CUL3: variants seen among roughly 807,000 people sequenced by gnomAD.
The protein encoded by CUL3 is cullin 3, also known as cullin-3.
A neutral mutation model predicts 89.1 loss-of-function variants in CUL3; 19 were observed. The ratio of observed to expected loss-of-function variants is 0.21; its 90% CI spans 0.15 to 0.31. The LOEUF is 0.31. CUL3 is among the 10% of genes least tolerant of loss of function. The pLI, the probability that CUL3 is intolerant of heterozygous loss-of-function variation, is 1.00. For synonymous variants in CUL3, 351 were observed against 308.4 expected (o/e 1.14, Z -1.45); for missense variants, 469 against 942.3 (o/e 0.50, Z 6.58).
chr2:224,546,179 A>G (rs1694284947), intron 2 of CUL3, among the ~76,000 whole-genome samples: 1 of 152,206 alleles, frequency 6.6e-6, no homozygotes, highest in African/African-American at 2.4e-5. Context: ...TTATTATAGC[A>G]TTAGTATCAT....
chr2:224,518,717 A>C (rs1343344292), intron 3 of CUL3, among the ~76,000 whole-genome samples: 1 of 152,202 alleles, frequency 6.6e-6, no homozygotes, highest in Non-Finnish European at 1.5e-5. Context: ...TAATCTCTAA[A>C]ACATTAATAT....
chr2:224,500,517 C>G, intron 10 of CUL3, 30 bp from the exon 11 acceptor site: 1 of 1,606,864 alleles, frequency 6.2e-7, no homozygotes. Flanking sequence ...ATATTCCCCT[C>G]AAAATTAACT....
At chr2:224,576,789 A>G (rs1236767696) in intron 1 of CUL3, among the ~76,000 whole-genome samples, 2 of 152,190 alleles carry the variant, frequency 1.3e-5, no homozygotes, top group Non-Finnish European at 2.9e-5. Context: ...ATTATAGAAC[A>G]TGCAAACCAA....
chr2:224,493,534 C>T (rs1343174567), intron 13 of CUL3, among the ~76,000 whole-genome samples: 1 of 152,212 alleles, frequency 6.6e-6, no homozygotes, highest in Non-Finnish European at 1.5e-5. Flanking sequence ...AGTTGGAAAA[C>T]TTACAGATAT....
intron 1 of CUL3, chr2:224,563,354 T>C: frequency 2.2e-6 from 1 of 456,638 alleles, no homozygotes; most frequent in South Asian, 1.6e-5. Context: ...TTGTCATGGT[T>C]ACATCTATTA....
intron 2 of CUL3, among the ~76,000 whole-genome samples, chr2:224,539,601 A>C (rs1334599807): frequency 6.6e-6 from 1 of 152,372 alleles, no homozygotes; most frequent in East Asian, 1.9e-4. Context: ...TACATTTAGA[A>C]AATGGAATAT....
chr2:224,506,979 A>C lies in CUL3; in HGVS notation c.908T>G (p.Phe303Cys), dbSNP rs996315289. The change falls in exon 7 of 16, where the codon TTT (phenylalanine) becomes TGT (cysteine). Residue 303 changes from phenylalanine to cysteine, a missense_variant. Physicochemically the swap from Phe to Cys is radical, Grantham distance 205 (BLOSUM62 -2). Around this residue, in one of 4 missense-constraint regions of CUL3, gnomAD observed 370 missense variants for 733.2 expected, o/e 0.50. Transcript: ENST00000264414. ...TEDLGCMYKL[F>C]SRVPNGLKTM... ...TTTCAAACCATTTGGCACACGACTA[A>C]ATAACTTGTACATGCAACCAAGGTC... 23 of 1,612,790 alleles carry C rather than the reference A, an allele frequency of 1.4e-5. No homozygotes were observed. The highest frequency in any genetic ancestry group is 1.9e-5 in the Non-Finnish European group (23 of 1,179,536).
chr2:224,578,392 C>G (rs1695358944), intron 1 of CUL3, among the ~76,000 whole-genome samples: 1 of 152,110 alleles, frequency 6.6e-6, no homozygotes, highest in Non-Finnish European at 1.5e-5. Context: ...GTTCAGCCAA[C>G]AATATGAAAT....
chr2:224,506,136 A>T lies in CUL3; in HGVS notation c.1030-4T>A, dbSNP rs777806289. On this transcript the variant is annotated splice_polypyrimidine_tract_variant and splice_region_variant and intron_variant, in intron 7 of 15. Coordinates refer to ENST00000264414, the MANE Select transcript of CUL3 (RefSeq NM_003590.5). ...TACTCTTCAGATCCAATAAGCCCTT[A>T]GAAATAAAAACAAAATTTAGGACAC... is the stretch of plus-strand genomic sequence containing the variant. 5.8e-6 allele frequency: 9 copies of T among 1,556,584 alleles called. No individual in the cohort carries two copies. Among genetic ancestry groups the T allele is most frequent in the Non-Finnish European group, 7.8e-6 (9 of 1,154,400 alleles).
At position 224,486,531 on chromosome 2, in the gene CUL3, A is replaced by G. The variant is rs188140559; in HGVS notation, c.1843-4453T>C. Among the ~76,000 whole-genome samples the G allele has an allele frequency of 2.6e-5, 4 of 152,202 alleles. No individual in the cohort carries two copies. In the East Asian group the frequency reaches 7.8e-4, roughly 30 times the overall value. ...GAAAGGATATCAAAGACAGAAGATC[A>G]ACTTAATGAAATAAAGCGTGAAGAC... On this transcript the variant is annotated intron_variant, in intron 13 of 15. Coordinates refer to ENST00000264414, the MANE Select transcript of CUL3 (RefSeq NM_003590.5).
chr2:224,580,687 A>C (rs1695415618), intron 1 of CUL3, among the ~76,000 whole-genome samples: 1 of 152,134 alleles, frequency 6.6e-6, no homozygotes, highest in Admixed American at 6.5e-5. Context: ...CTGTCTCAAA[A>C]AAGAAAAAAA....
At position 224,470,470 on chromosome 2, in the gene CUL3, T is replaced by C. The variant is rs1369247900; in HGVS notation, c.*3775A>G. The C allele has an allele frequency of 1.7e-5, 4 of 230,318 alleles. No individual in the cohort carries two copies. The highest frequency in any genetic ancestry group is 3.4e-5 in the Non-Finnish European group (4 of 116,510). 14.3% of individuals were successfully genotyped at this position (230,318 alleles called of 1,614,324 possible). On this transcript the variant is annotated 3_prime_UTR_variant, in exon 16 of 16. Transcript: ENST00000264414. ...TCCTGAGAGCTGGCGTAATGGCCAATCTCTGTATCATTACCTGTTAAATTT... is the reference window on the plus strand; with the variant it reads ...TCCTGAGAGCTGGCGTAATGGCCAACCTCTGTATCATTACCTGTTAAATTT...
chr2:224,513,157 G>GT (rs1692903593), intron 5 of CUL3, among the ~76,000 whole-genome samples: 1 of 152,152 alleles, frequency 6.6e-6, no homozygotes, highest in Non-Finnish European at 1.5e-5. Context: ...CTAATCAACT[G>GT]TTTATGTTAT....
intron 1 of CUL3, among the ~76,000 whole-genome samples, chr2:224,584,013 T>C (rs1368913572): frequency 6.6e-6 from 1 of 152,246 alleles, no homozygotes; most frequent in African/African-American, 2.4e-5. Flanking sequence ...CATAGGCAAG[T>C]ATGCCCAGTT....
intron 2 of CUL3, among the ~76,000 whole-genome samples, chr2:224,550,158 G>A (rs1018865836): frequency 2.0e-5 from 3 of 152,128 alleles, no homozygotes; most frequent in African/African-American, 7.2e-5. Context: ...ATGGGGACCC[G>A]AAGTGTTTCA....
At chr2:224,553,649 G>A (rs1293537936) in intron 2 of CUL3, among the ~76,000 whole-genome samples, 1 of 152,066 alleles carries the variant, frequency 6.6e-6, no homozygotes, top group Non-Finnish European at 1.5e-5. Flanking sequence ...TCTTGAGAAT[G>A]GTACCCTCAT....
At chr2:224,583,725 T>C (rs527625278) in intron 1 of CUL3, among the ~76,000 whole-genome samples, 2 of 152,352 alleles carry the variant, frequency 1.3e-5, no homozygotes, top group Admixed American at 1.3e-4. Context: ...CCTTTTAAAT[T>C]TTAGGAATTC....
rs745490795 is a variant in CUL3 at position 224,502,970 on chromosome 2, T to C, written c.1480A>G (p.Thr494Ala). The change falls in exon 10 of 16, where the codon ACT (threonine) becomes GCT (alanine). Residue 494 changes from threonine (T) to alanine (A), a missense_variant. Coordinates refer to ENST00000264414, the MANE Select transcript of CUL3 (RefSeq NM_003590.5). ...AAATTAACGCAGAATCTTACACCAG[T>C]TGCCTGTAGATGTTGCCTGAATTCA... The part of the protein sequence containing the change: ...MDEFRQHLQA[T>A]GVSLGGVDLT... 14 of 1,608,584 alleles carry C rather than the reference T, an allele frequency of 8.7e-6. No homozygotes were observed. Among genetic ancestry groups the C allele is most frequent in the Non-Finnish European group, 1.0e-5 (12 of 1,175,116 alleles).
At position 224,473,677 on chromosome 2, in the gene CUL3, A is replaced by G. The variant is rs1691211919; in HGVS notation, c.*568T>C. The G allele has an allele frequency of 5.4e-6, 1 of 184,590 alleles. No individual in the cohort carries two copies. The highest frequency in any genetic ancestry group is 2.0e-4 in the South Asian group (1 of 5,094). The allele number at this position is 184,590 out of a possible 1,614,324, so 11.4% of individuals were successfully genotyped here. On this transcript the variant is annotated 3_prime_UTR_variant, in exon 16 of 16. Transcript: ENST00000264414. ...AGGTTCCTGGTCATAAGGCTAGAAGATGAGTAAGTGCAAGTGGTAGAATAC... is the reference window on the plus strand; with the variant it reads ...AGGTTCCTGGTCATAAGGCTAGAAGGTGAGTAAGTGCAAGTGGTAGAATAC...
Sources: allele counts gnomAD v4.1 joint callset (sites outside exome capture counted in the v4.1 genomes callset), GRCh38; gene constraint gnomAD v4.1.1; regional missense constraint gnomAD v4.1.1; transcripts MANE v1.5; gene names NCBI Gene and HGNC (gene_info 2026-07-23, HGNC 2026-07-21).